The following LRP1B variants were observed in gnomAD, a reference collection of about 807,000 sequenced individuals.
LRP1B encodes LDL receptor related protein 1B.
In LRP1B, 217 loss-of-function variants were observed where a neutral mutation model predicts 556.6. The ratio of observed to expected loss-of-function variants is 0.39; its 90% CI spans 0.35 to 0.44. The LOEUF is 0.44. Among genes scored for constraint, LRP1B ranks in the 20% least tolerant of loss-of-function variants. The probability of loss-of-function intolerance (pLI) is 1.00; values close to 1 mark genes in which losing one functional copy is unlikely to be tolerated. For synonymous variants in LRP1B, 2,047 were observed against 1,865.8 expected, an observed-to-expected ratio of 1.10 and a Z score of -2.50; for missense variants, 5,053 against 5,620.8, an observed-to-expected ratio of 0.90 and a Z score of 3.23.
At chr2:142,085,567 A>C (rs1705885744) in intron 1 of LRP1B, among the ~76,000 whole-genome samples, 3 of 152,180 alleles carry the variant, frequency 2.0e-5, no homozygotes, top group Admixed American at 2.0e-4. Context: ...TCTGTCTTAT[A>C]CTATGAATTT....
intron 3 of LRP1B, among the ~76,000 whole-genome samples, chr2:141,384,045 G>T (rs1011659122): frequency 1.3e-5 from 2 of 152,154 alleles, no homozygotes; most frequent in African/African-American, 4.8e-5. Flanking sequence ...CTATGGCTAT[G>T]TTAATTAGTT....
chr2:141,745,451 T>G (rs369108526), intron 2 of LRP1B, among the ~76,000 whole-genome samples: 1 of 152,098 alleles, frequency 6.6e-6, no homozygotes, highest in East Asian at 1.9e-4. Context: ...CCTCACCCTA[T>G]GGCCACCACC....
At chr2:141,174,696 G>T (rs977652955) in intron 7 of LRP1B, among the ~76,000 whole-genome samples, 1 of 152,000 alleles carries the variant, frequency 6.6e-6, no homozygotes, top group Admixed American at 6.6e-5. Flanking sequence ...TGTGAGAGTG[G>T]ACTAACATTA....
At chr2:141,203,990 G>C (rs1277828880) in intron 6 of LRP1B, among the ~76,000 whole-genome samples, 1 of 152,164 alleles carries the variant, frequency 6.6e-6, no homozygotes, top group South Asian at 2.1e-4. Context: ...CAATGAGAAT[G>C]AATACACAAT....
intron 3 of LRP1B, among the ~76,000 whole-genome samples, chr2:141,276,916 A>G (rs1371863268): frequency 6.6e-6 from 1 of 152,098 alleles, no homozygotes. Context: ...TCGGCCTCCC[A>G]GAGTGCTGGG....
At chr2:141,944,648 G>T (rs1454123576) in intron 1 of LRP1B, among the ~76,000 whole-genome samples, 1 of 151,912 alleles carries the variant, frequency 6.6e-6, no homozygotes, top group Non-Finnish European at 1.5e-5. Flanking sequence ...TATATCCAAA[G>T]ATATATATCC....
chr2:141,982,798 C>G (rs1328857033), intron 1 of LRP1B, among the ~76,000 whole-genome samples: 1 of 152,150 alleles, frequency 6.6e-6, no homozygotes, highest in East Asian at 1.9e-4. Flanking sequence ...GACAGCGTGA[C>G]TTCAAAATGT....
chr2:140,629,903 T>A (rs1276134032), intron 41 of LRP1B, among the ~76,000 whole-genome samples: 1 of 152,222 alleles, frequency 6.6e-6, no homozygotes, highest in African/African-American at 2.4e-5. Context: ...GCTAAAACTT[T>A]TTTCACTGCA....
At chr2:140,935,088 T>C (rs188394386) in intron 20 of LRP1B, among the ~76,000 whole-genome samples, 1 of 152,262 alleles carries the variant, frequency 6.6e-6, no homozygotes, top group East Asian at 1.9e-4. Flanking sequence ...TTCAAATTTC[T>C]AGTTTTCAAC....
intron 68 of LRP1B, among the ~76,000 whole-genome samples, 163 bp downstream of exon 68, chr2:140,378,017 G>A (rs1683309607): frequency 6.6e-6 from 1 of 152,152 alleles, no homozygotes; most frequent in Non-Finnish European, 1.5e-5. Flanking sequence ...TATTCCCTGT[G>A]CTGGGGATGT....
chr2:140,600,891 A>T (rs1379643800), intron 42 of LRP1B, among the ~76,000 whole-genome samples: 1 of 146,528 alleles, frequency 6.8e-6, no homozygotes, highest in African/African-American at 2.5e-5. Flanking sequence ...TTCTTTTGTC[A>T]TGAAATTTTT....
chr2:140,896,277 AAAT>A lies in LRP1B; in HGVS notation c.3766+6640_3766+6642del, dbSNP rs1268315035. 2.6e-5 allele frequency among the ~76,000 whole-genome samples: 4 copies of A among 152,210 alleles called. No individual in the cohort carries two copies. The East Asian group carries it at 7.7e-4, about 29-fold the overall frequency. ...TGAGATTTGAGATATATTAAATAGA[AAAT>A]AAAAATTATAAAAGTAGCATTTATG... is the stretch of plus-strand genomic sequence containing the variant. On this transcript the variant is annotated intron_variant, in intron 23 of 90. Coordinates refer to ENST00000389484, the MANE Select transcript of LRP1B (RefSeq NM_018557.3).
intron 7 of LRP1B, among the ~76,000 whole-genome samples, chr2:141,181,366 A>G (rs139708114): frequency 0.015 from 2,226 of 152,042 alleles, 23 homozygotes; most frequent in Middle Eastern, 0.041. Flanking sequence ...ACCGAACTAT[A>G]TGTAGTTGTT....
intron 2 of LRP1B, among the ~76,000 whole-genome samples, chr2:141,778,692 C>A (rs1003810829): frequency 6.6e-6 from 1 of 152,174 alleles, no homozygotes; most frequent in Non-Finnish European, 1.5e-5. Context: ...GCAGAAAATG[C>A]AGACACACAT....
intron 7 of LRP1B, among the ~76,000 whole-genome samples, chr2:141,120,057 G>A (rs956844609): frequency 6.6e-6 from 1 of 151,862 alleles, no homozygotes; most frequent in African/African-American, 2.4e-5. Context: ...GCTGCAGTAT[G>A]GGTACCTTCC....
chr2:141,504,777 A>G (rs778928884), intron 2 of LRP1B, among the ~76,000 whole-genome samples: 30 of 152,152 alleles, frequency 2.0e-4, no homozygotes, highest in Non-Finnish European at 2.6e-4. Context: ...ATATGGCTAA[A>G]TTAAAATTCA....
At chr2:140,986,397 C>T (rs1378411512) in intron 17 of LRP1B, among the ~76,000 whole-genome samples, 1 of 152,060 alleles carries the variant, frequency 6.6e-6, no homozygotes, top group East Asian at 1.9e-4. Context: ...TGAAGGTATG[C>T]ACATCTTCAC....
At chr2:142,005,363 C>T (rs911214392) in intron 1 of LRP1B, among the ~76,000 whole-genome samples, 31 of 151,700 alleles carry the variant, frequency 2.0e-4, no homozygotes, top group Admixed American at 4.6e-4. Context: ...ATTTTCAGAC[C>T]GAAAAAAATA....
At chr2:140,471,690 T>G (rs1010791406) in intron 60 of LRP1B, among the ~76,000 whole-genome samples, 34 of 152,218 alleles carry the variant, frequency 2.2e-4, no homozygotes, top group Admixed American at 6.5e-5. Flanking sequence ...TTCCAGGGTC[T>G]TTCATTTCAC....
Sources: allele counts gnomAD v4.1 joint callset (sites outside exome capture counted in the v4.1 genomes callset), GRCh38; gene constraint gnomAD v4.1.1; transcripts MANE v1.5; gene names NCBI Gene and HGNC (gene_info 2026-07-23, HGNC 2026-07-21).